Variants in GAB1 observed in about 807,000 individuals in gnomAD.
The protein encoded by GAB1 is GRB2 associated binding protein 1, also known as GRB2-associated-binding protein 1.
GAB1 carries 19 observed loss-of-function variants against 66.5 expected under a neutral mutation model. The ratio of observed to expected loss-of-function variants is 0.29; its 90% CI spans 0.20 to 0.42. The LOEUF (loss-of-function observed/expected upper bound fraction) is 0.42. GAB1 is among the 10% of genes least tolerant of loss of function. The pLI is 1.00. For missense variants in GAB1, 732 were observed against 858.5 expected (o/e 0.85, Z 1.84); for synonymous variants, 294 against 301.4 (o/e 0.98, Z 0.25).
At chr4:143,337,674 G>A (rs1375400408) in intron 1 of GAB1, among the ~76,000 whole-genome samples, 4 of 152,266 alleles carry the variant, frequency 2.6e-5, no homozygotes, top group East Asian at 3.9e-4. Context: ...GAAAACTGCC[G>A]AGGTTTTAGG....
chr4:143,348,451 C>G (rs1281418225), intron 1 of GAB1, among the ~76,000 whole-genome samples: 1 of 151,842 alleles, frequency 6.6e-6, no homozygotes, highest in African/African-American at 2.4e-5. Context: ...TGACTTTTCT[C>G]TCTCTCTCAT....
chr4:143,425,597 G>A, intron 2 of GAB1: 1 of 762,668 alleles, frequency 1.3e-6, no homozygotes, highest in Non-Finnish European at 2.4e-6. Flanking sequence ...TTCTGCGCGT[G>A]CGTGGCACCA....
chr4:143,395,426 G>A (rs1731397827), intron 1 of GAB1: 2 of 156,698 alleles, frequency 1.3e-5, no homozygotes, highest in Admixed American at 6.1e-5. Flanking sequence ...CCAGTTGATG[G>A]CATTTTTTAT....
rs762475716 is a variant in GAB1 at position 143,433,600 on chromosome 4, T to C, written c.477T>C (p.Pro159=). The C allele has an allele frequency of 6.2e-7, 1 of 1,613,896 alleles. No individual in the cohort carries two copies. The highest frequency in any genetic ancestry group is 1.7e-5 in the Admixed American group (1 of 59,976). ...TQADSSSATL[P]PPYQLINVPP... ...CAGATTCATCCTCTGCTACTCTACC[T>C]CCTCCATATCAGCTAATCAATGTTC... is the stretch of plus-strand genomic sequence containing the variant. Residue 159 remains proline (P), a synonymous_variant, in exon 3 of 10, where the codon CCT becomes CCC. Transcript: ENST00000262994.
intron 1 of GAB1, among the ~76,000 whole-genome samples, chr4:143,378,674 G>A (rs975898057): frequency 8.8e-5 from 7 of 79,718 alleles, no homozygotes; most frequent in Admixed American, 5.3e-4. Context: ...TCTCTCTCTC[G>A]TTTTTCTAGT....
chr4:143,339,005 G>A (rs1728745305), intron 1 of GAB1, among the ~76,000 whole-genome samples: 1 of 152,050 alleles, frequency 6.6e-6, no homozygotes, highest in African/African-American at 2.4e-5. Flanking sequence ...GAATTCAATT[G>A]AACTATTAAC....
chr4:143,338,467 A>T (rs1053851983), intron 1 of GAB1, among the ~76,000 whole-genome samples: 1 of 152,196 alleles, frequency 6.6e-6, no homozygotes, highest in South Asian at 2.1e-4. Context: ...GAAGTATTTA[A>T]CTTCACTGAC....
At chr4:143,464,252 C>CA (rs1210334856) in intron 8 of GAB1, among the ~76,000 whole-genome samples, 1 of 152,122 alleles carries the variant, frequency 6.6e-6, no homozygotes, top group Non-Finnish European at 1.5e-5. Flanking sequence ...TTTTTTCAGA[C>CA]AGAGTTTCCC....
chr4:143,457,841 T>A, intron 6 of GAB1: 1 of 831,582 alleles, frequency 1.2e-6, no homozygotes, highest in Non-Finnish European at 1.9e-6. Context: ...GTTTTTTTTC[T>A]AAAAATAAAG....
At chr4:143,462,836 G>A (rs572792832) in intron 8 of GAB1, among the ~76,000 whole-genome samples, 2 of 152,044 alleles carry the variant, frequency 1.3e-5, no homozygotes, top group African/African-American at 4.8e-5. Flanking sequence ...TAATTTTTGT[G>A]TTTTTGGTAG....
intron 1 of GAB1, among the ~76,000 whole-genome samples, chr4:143,376,112 C>T (rs570595892): frequency 6.8e-4 from 103 of 151,806 alleles, no homozygotes; most frequent in African/African-American, 2.4e-3. Flanking sequence ...CACCCCTCCC[C>T]AACCCCCTAC....
At position 143,469,082 on chromosome 4, in the gene GAB1, G is replaced by A; in HGVS notation, c.1978G>A (p.Val660Ile). 6.2e-7 allele frequency: 1 copy of A among 1,614,086 alleles called. No individual in the cohort carries two copies. The highest frequency in any genetic ancestry group is 8.5e-7 in the Non-Finnish European group (1 of 1,179,922). ...SSVADERVDY[V>I]VVDQQKTLAL... Reference sequence around the variant, plus strand: ...TGTAGCAGATGAGAGAGTGGATTATGTTGTTGTTGACCAACAGAAGACCTT... The same window carrying A: ...TGTAGCAGATGAGAGAGTGGATTATATTGTTGTTGACCAACAGAAGACCTT... The change falls in exon 10 of 10, where the codon GTT (valine) becomes ATT (isoleucine). Residue 660 changes from valine (V) to isoleucine (I), a missense_variant. By Grantham distance (29) the Val-to-Ile change is conservative (BLOSUM62 3). Coordinates refer to ENST00000262994, the MANE Select transcript of GAB1 (RefSeq NM_002039.4).
At chr4:143,466,294 T>C in intron 9 of GAB1, 69 bp downstream of exon 9, 1 of 1,448,632 alleles carries the variant, frequency 6.9e-7, no homozygotes, top group Non-Finnish European at 9.4e-7. Context: ...AAGAATTATT[T>C]CCTTTGGGAT....
At chr4:143,361,286 C>G (rs11736775) in intron 1 of GAB1, among the ~76,000 whole-genome samples, 7,698 of 152,250 alleles carry the variant, frequency 0.051, 269 homozygotes, top group Non-Finnish European at 0.077. Flanking sequence ...ATTTATTCAT[C>G]TTGTCCTTCC....
At chr4:143,460,695 A>T (rs1188239992) in intron 8 of GAB1, among the ~76,000 whole-genome samples, 1 of 152,206 alleles carries the variant, frequency 6.6e-6, no homozygotes, top group African/African-American at 2.4e-5. Flanking sequence ...GTTAAAAAAA[A>T]AAAGTTGCCT....
chr4:143,344,350 C>T (rs62337511), intron 1 of GAB1, among the ~76,000 whole-genome samples: 7,516 of 152,196 alleles, frequency 0.049, 213 homozygotes, highest in African/African-American at 0.075. Flanking sequence ...TCACATTCCT[C>T]GCATCAACAT....
chr4:143,420,463 T>C (rs903489424), intron 2 of GAB1, among the ~76,000 whole-genome samples: 1 of 152,150 alleles, frequency 6.6e-6, no homozygotes, highest in East Asian at 1.9e-4. Context: ...ACTGCTATTA[T>C]TGAATACTGA....
chr4:143,445,357 T>C (rs1288402099), intron 6 of GAB1, among the ~76,000 whole-genome samples: 1 of 152,202 alleles, frequency 6.6e-6, no homozygotes, highest in Non-Finnish European at 1.5e-5. Context: ...ATGGAGTATT[T>C]TTTCATACAT....
chr4:143,389,780 TGGC>T (rs1227906517), intron 1 of GAB1, among the ~76,000 whole-genome samples: 3 of 152,222 alleles, frequency 2.0e-5, no homozygotes, highest in African/African-American at 7.2e-5. Flanking sequence ...AAGTGGATTC[TGGC>T]ACTTAATTAT....
Sources: allele counts gnomAD v4.1 joint callset (sites outside exome capture counted in the v4.1 genomes callset), GRCh38; gene constraint gnomAD v4.1.1; transcripts MANE v1.5; gene names NCBI Gene and HGNC (gene_info 2026-07-23, HGNC 2026-07-21).